Variants in CNTNAP2 observed in about 807,000 individuals in gnomAD.
CNTNAP2 encodes the protein contactin-associated protein-like 2.
Under a neutral mutation model 155.2 loss-of-function variants are expected in CNTNAP2, and 98 were observed. That is an observed-to-expected ratio of 0.63 (90% confidence interval 0.54 to 0.75). The LOEUF is 0.75. CNTNAP2 is among the 30% of genes least tolerant of loss of function. The probability of loss-of-function intolerance (pLI) is 0.00; values close to 1 mark genes in which losing one functional copy is unlikely to be tolerated. For synonymous variants in CNTNAP2, 651 were observed against 631.2 expected, an observed-to-expected ratio of 1.03 and a Z score of -0.47; for missense variants, 1,727 against 1,688.1, an observed-to-expected ratio of 1.02 and a Z score of -0.40.
At chr7:146,600,403 TAA>T (rs1478779499) in intron 1 of CNTNAP2, among the ~76,000 whole-genome samples, 1 of 152,178 alleles carries the variant, frequency 6.6e-6, no homozygotes, top group African/African-American at 2.4e-5. Context: ...ATAAATACTT[TAA>T]AAAGACGTTT....
chr7:146,445,403 A>C (rs1430100028), intron 1 of CNTNAP2, among the ~76,000 whole-genome samples: 1 of 152,188 alleles, frequency 6.6e-6, no homozygotes, highest in African/African-American at 2.4e-5. Flanking sequence ...ACATGATACC[A>C]TTCTTATCTT....
intron 8 of CNTNAP2, among the ~76,000 whole-genome samples, chr7:147,215,269 C>A (rs1228918608): frequency 1.3e-5 from 2 of 152,044 alleles, no homozygotes; most frequent in Non-Finnish European, 2.9e-5. Context: ...TGGGTTTTGA[C>A]AAATATATAA....
rs1802122589 is a variant in CNTNAP2, at chr7:147,166,787, G to T, written c.1348+34278G>T. Reference sequence around the variant, plus strand: ...AGGTACTCAGTAGGGGAGCTTTTGAGCCAGGATGAGCCAGAAGTAGGAATT... The same window carrying T: ...AGGTACTCAGTAGGGGAGCTTTTGATCCAGGATGAGCCAGAAGTAGGAATT... On this transcript the variant is annotated intron_variant, in intron 8 of 23. Coordinates refer to ENST00000361727, the MANE Select transcript of CNTNAP2 (RefSeq NM_014141.6). Among the ~76,000 whole-genome samples the T allele has an allele frequency of 2.6e-5, 4 of 152,060 alleles. No individual in the cohort carries two copies. The South Asian group carries it at 8.3e-4, about 32-fold the overall frequency.
chr7:146,317,554 C>A (rs1228871337), intron 1 of CNTNAP2, among the ~76,000 whole-genome samples: 7 of 152,210 alleles, frequency 4.6e-5, no homozygotes, highest in Admixed American at 6.5e-5. Context: ...CAGTCTGCCA[C>A]AAATACAATT....
At chr7:147,784,493 TAATATATATATATATATATATA>T (rs1341843855) in intron 13 of CNTNAP2, among the ~76,000 whole-genome samples, 5 of 48,100 alleles carry the variant, frequency 1.0e-4, no homozygotes, top group African/African-American at 2.8e-4. Flanking sequence ...GGCTCTGGAC[TAATATATATATATATATATATA>T]TATATATATA....
intron 1 of CNTNAP2, among the ~76,000 whole-genome samples, chr7:146,595,834 C>A (rs1798851233): frequency 6.6e-6 from 1 of 152,014 alleles, no homozygotes; most frequent in African/African-American, 2.4e-5. Context: ...ACCTGGTTTT[C>A]AACAGCTATT....
chr7:146,274,672 C>T (rs115187400), intron 1 of CNTNAP2, among the ~76,000 whole-genome samples: 4,005 of 152,140 alleles, frequency 0.026, 172 homozygotes, highest in African/African-American at 0.092. Flanking sequence ...AAGCAGCAAT[C>T]GGTTTTCCAT....
chr7:147,236,070 C>G (rs1260319308), intron 8 of CNTNAP2, among the ~76,000 whole-genome samples: 2 of 152,192 alleles, frequency 1.3e-5, no homozygotes, highest in African/African-American at 4.8e-5. Flanking sequence ...TATTTATATA[C>G]TTAACCCCCA....
At chr7:146,939,416 C>T (rs1169659403) in intron 3 of CNTNAP2, among the ~76,000 whole-genome samples, 1 of 152,166 alleles carries the variant, frequency 6.6e-6, no homozygotes, top group Admixed American at 6.5e-5. Context: ...TTGTGAGCAA[C>T]ACATAAATAA....
At chr7:147,647,071 C>A (rs138281997) in intron 13 of CNTNAP2, among the ~76,000 whole-genome samples, 2,263 of 151,550 alleles carry the variant, frequency 0.015, 185 homozygotes, top group Admixed American at 0.14. Context: ...ACCTCAGCCT[C>A]CTGGGTTCAA....
At chr7:147,197,682 G>T (rs1802834006) in intron 8 of CNTNAP2, among the ~76,000 whole-genome samples, 1 of 152,134 alleles carries the variant, frequency 6.6e-6, no homozygotes, top group Non-Finnish European at 1.5e-5. Context: ...AGAACATTTG[G>T]TGTGATTAAC....
chr7:147,553,970 G>GAA (rs1246662524), intron 11 of CNTNAP2, among the ~76,000 whole-genome samples: 13 of 151,514 alleles, frequency 8.6e-5, no homozygotes, highest in African/African-American at 2.7e-4. Context: ...CAAAAGAAAA[G>GAA]AAAAAAAAGG....
intron 9 of CNTNAP2, among the ~76,000 whole-genome samples, chr7:147,393,421 T>C (rs1415758475): frequency 6.7e-6 from 1 of 150,102 alleles, no homozygotes; most frequent in Non-Finnish European, 1.5e-5. Flanking sequence ...TTTTCACACA[T>C]ACATCCATTC....
intron 1 of CNTNAP2, among the ~76,000 whole-genome samples, chr7:146,455,394 C>G (rs1270866130): frequency 6.6e-6 from 1 of 152,050 alleles, no homozygotes; most frequent in Middle Eastern, 3.2e-3. Context: ...TTATTTTTCC[C>G]AGGGCTAAGT....
chr7:147,465,249 A>G (rs975555182), intron 10 of CNTNAP2, among the ~76,000 whole-genome samples: 3 of 152,164 alleles, frequency 2.0e-5, no homozygotes, highest in African/African-American at 2.4e-5. Flanking sequence ...AGAAGCTCAA[A>G]CCTCAGCATT....
At chr7:148,120,324 T>C (rs1228709891) in intron 16 of CNTNAP2, among the ~76,000 whole-genome samples, 1 of 151,640 alleles carries the variant, frequency 6.6e-6, no homozygotes, top group Non-Finnish European at 1.5e-5. Flanking sequence ...TGGAGTGCAA[T>C]GGTGCAATCA....
intron 1 of CNTNAP2, among the ~76,000 whole-genome samples, chr7:146,735,986 G>A (rs1410764776): frequency 6.6e-6 from 1 of 152,100 alleles, no homozygotes; most frequent in Non-Finnish European, 1.5e-5. Flanking sequence ...ATTACCTATT[G>A]TATAAGTGCA....
intron 11 of CNTNAP2, among the ~76,000 whole-genome samples, chr7:147,552,753 A>G (rs985431092): frequency 1.1e-4 from 17 of 152,142 alleles, no homozygotes; most frequent in African/African-American, 3.9e-4. Context: ...ATTCAGCACA[A>G]TGTTTAAACA....
At position 147,601,546 on chromosome 7, in the gene CNTNAP2, G is replaced by A. The variant is rs184483577; in HGVS notation, c.1898-37560G>A. Among the ~76,000 whole-genome samples the A allele has an allele frequency of 5.3e-5, 8 of 151,094 alleles. No homozygotes were observed. The East Asian group carries it at 9.8e-4, about 18-fold the overall frequency. On this transcript the variant is annotated intron_variant, in intron 12 of 23. Coordinates refer to ENST00000361727, the MANE Select transcript of CNTNAP2 (RefSeq NM_014141.6). ...TACTTCAGGCCATCTGGATGTATAC[G>A]TGCAGGTCACAGGTGATATGATGGC...
Sources: allele counts gnomAD v4.1 joint callset (sites outside exome capture counted in the v4.1 genomes callset), GRCh38; gene constraint gnomAD v4.1.1; transcripts MANE v1.5; gene names NCBI Gene and HGNC (gene_info 2026-07-23, HGNC 2026-07-21).